FAM13A: variants seen among roughly 807,000 people sequenced by gnomAD.
FAM13A encodes family with sequence similarity 13 member A.
FAM13A carries 76 observed loss-of-function variants against 129.6 expected under a neutral mutation model. The ratio of observed to expected loss-of-function variants is 0.59; its 90% CI spans 0.49 to 0.71. The LOEUF is 0.71. FAM13A is among the 30% of genes least tolerant of loss of function. The pLI, the probability that FAM13A is intolerant of heterozygous loss-of-function variation, is 0.00. For synonymous variants in FAM13A, 443 were observed against 449.9 expected, an observed-to-expected ratio of 0.98 and a Z score of 0.20; for missense variants, 1,108 against 1,249.3, an observed-to-expected ratio of 0.89 and a Z score of 1.70.
At chr4:88,893,291 C>T (rs1579153366) in intron 6 of FAM13A, among the ~76,000 whole-genome samples, 1 of 152,102 alleles carries the variant, frequency 6.6e-6, no homozygotes, top group Non-Finnish European at 1.5e-5. Context: ...CACAAAGAAA[C>T]GAAAAGGTCC....
At chr4:88,804,897 C>A in intron 8 of FAM13A, 114 bp downstream of exon 8, 1 of 676,280 alleles carries the variant, frequency 1.5e-6, no homozygotes, top group South Asian at 1.8e-5. Context: ...GCAAGTTAGT[C>A]TGGCCACAGT....
chr4:89,029,699 G>T, intron 1 of FAM13A, 50 bp from the exon 2 acceptor site: 1 of 1,473,146 alleles, frequency 6.8e-7, no homozygotes, highest in Non-Finnish European at 9.3e-7. Flanking sequence ...TACCACAGGA[G>T]GTTGCATGGT....
intron 2 of FAM13A, 110 bp from the exon 3 acceptor site, chr4:89,020,779 CTG>C: frequency 1.4e-6 from 1 of 693,132 alleles, no homozygotes; most frequent in South Asian, 1.8e-5. Flanking sequence ...TCTCTCAACA[CTG>C]TAATTATCAA....
chr4:89,056,291 A>C (rs1246334645), intron 1 of FAM13A, among the ~76,000 whole-genome samples: 1 of 152,216 alleles, frequency 6.6e-6, no homozygotes, highest in Non-Finnish European at 1.5e-5. Context: ...CAGCAGAATA[A>C]TTTAGAAATT....
At chr4:88,865,926 G>T (rs1349675385) in intron 6 of FAM13A, among the ~76,000 whole-genome samples, 1 of 109,302 alleles carries the variant, frequency 9.1e-6, no homozygotes, top group African/African-American at 3.6e-5. Context: ...GTCTCACTCT[G>T]TTGCCTAGGC....
chr4:88,881,378 C>T (rs1366017054), intron 6 of FAM13A, among the ~76,000 whole-genome samples: 5 of 152,154 alleles, frequency 3.3e-5, no homozygotes, highest in Non-Finnish European at 5.9e-5. Flanking sequence ...AAAGGAGTAA[C>T]AATCACAGCA....
chr4:88,855,569 C>T (rs1166898902), intron 6 of FAM13A: 1 of 151,744 alleles, frequency 6.6e-6, no homozygotes, highest in Non-Finnish European at 1.5e-5. Context: ...TAGATATATA[C>T]CTCCAATAAA....
At chr4:88,956,888 G>C (rs1307722065) in intron 4 of FAM13A, among the ~76,000 whole-genome samples, 4 of 152,138 alleles carry the variant, frequency 2.6e-5, no homozygotes, top group African/African-American at 9.7e-5. Context: ...CCAAATTTCA[G>C]GTTGAATTAT....
intron 7 of FAM13A, among the ~76,000 whole-genome samples, chr4:88,826,912 C>A (rs1197649991): frequency 6.6e-6 from 1 of 152,164 alleles, no homozygotes; most frequent in Non-Finnish European, 1.5e-5. Context: ...TTCTGACAGG[C>A]AACCAAGTGA....
intron 6 of FAM13A, among the ~76,000 whole-genome samples, chr4:88,859,079 CT>C (rs1230229849): frequency 6.6e-6 from 1 of 151,406 alleles, no homozygotes; most frequent in African/African-American, 2.4e-5. Flanking sequence ...TTAAATAGTT[CT>C]TTTTTTTTCT....
At chr4:88,731,940 G>C (rs1737910547) in intron 22 of FAM13A, 62 bp downstream of exon 22, 1 of 1,290,382 alleles carries the variant, frequency 7.7e-7, no homozygotes, top group Admixed American at 2.1e-5. Flanking sequence ...CAAAGGCTAA[G>C]ATAATATTTA....
chr4:88,866,959 T>C (rs1364461618), intron 6 of FAM13A, among the ~76,000 whole-genome samples: 5 of 152,218 alleles, frequency 3.3e-5, no homozygotes, highest in Non-Finnish European at 5.9e-5. Flanking sequence ...ACATGTGGCA[T>C]AGTCATAGAA....
intron 14 of FAM13A, among the ~76,000 whole-genome samples, chr4:88,755,230 G>A (rs1168582643): frequency 5.3e-5 from 8 of 152,048 alleles, no homozygotes; most frequent in Non-Finnish European, 1.0e-4. Context: ...GGTAAACTGC[G>A]CTCTGGTTTC....
intron 4 of FAM13A, among the ~76,000 whole-genome samples, chr4:88,942,092 C>T (rs531158767): frequency 5.7e-4 from 86 of 152,134 alleles, no homozygotes; most frequent in Non-Finnish European, 8.8e-4. Context: ...AAAATTATGG[C>T]CACAGAAGCT....
At chr4:88,935,309 A>C (rs760323526) in intron 5 of FAM13A, among the ~76,000 whole-genome samples, 8 of 152,244 alleles carry the variant, frequency 5.3e-5, no homozygotes, top group Admixed American at 5.2e-4. Context: ...GCAAGAATAT[A>C]TAAGAAACTT....
chr4:88,746,924 T>A lies in FAM13A; in HGVS notation c.2466+8A>T, dbSNP rs748017764. On this transcript the variant is annotated splice_region_variant and intron_variant, in intron 19 of 23. Transcript: ENST00000264344. ...GACCCCAATCAGAAAATTTACTACA[T>A]CACATACCGGCCGTCCATGAATGCT... is the stretch of plus-strand genomic sequence containing the variant. The A allele has an allele frequency of 1.3e-6, 2 of 1,597,610 alleles. No individual in the cohort carries two copies. The highest frequency in any genetic ancestry group is 1.7e-6 in the Non-Finnish European group (2 of 1,165,140).
chr4:88,887,928 T>C (rs1358283638), intron 6 of FAM13A, among the ~76,000 whole-genome samples: 1 of 152,234 alleles, frequency 6.6e-6, no homozygotes, highest in Non-Finnish European at 1.5e-5. Flanking sequence ...TTGTTTGCTC[T>C]TGATTTTGTT....
chr4:89,038,776 C>T (rs190475385), intron 1 of FAM13A, among the ~76,000 whole-genome samples: 61 of 152,216 alleles, frequency 4.0e-4, no homozygotes, highest in African/African-American at 1.4e-3. Context: ...TAGAAAACCA[C>T]CATTTTTTCT....
At chr4:88,797,124 AT>A (rs938724557) in intron 8 of FAM13A, among the ~76,000 whole-genome samples, 8 of 151,514 alleles carry the variant, frequency 5.3e-5, no homozygotes, top group Non-Finnish European at 8.8e-5. Flanking sequence ...GGTCCTACTA[AT>A]TTTTTTTTAA....
Sources: gnomAD v4.1 joint callset for allele counts (sites outside exome capture counted in the v4.1 genomes callset) on GRCh38, gnomAD v4.1.1 for gene constraint, MANE v1.5 for transcripts, NCBI Gene and HGNC (gene_info 2026-07-23, HGNC 2026-07-21) for gene names.